Variants in ERICH1 observed in about 807,000 individuals in gnomAD.
The protein encoded by ERICH1 is glutamate-rich protein 1.
A neutral mutation model predicts 39.6 loss-of-function variants in ERICH1; 56 were observed. The observed-to-expected ratio is 1.41, with a 90% CI of 1.14 to 1.77. The LOEUF is 1.77. Among genes scored for constraint, ERICH1 ranks in the 40% most tolerant of loss-of-function variants. ERICH1 has a pLI of 0.00. For missense variants in ERICH1, 826 were observed against 575.4 expected (o/e 1.44, Z -4.45); for synonymous variants, 313 against 223.6 (o/e 1.40, Z -3.57).
intron 1 of ERICH1, among the ~76,000 whole-genome samples, chr8:727,120 A>G (rs1818950278): frequency 6.6e-6 from 1 of 152,148 alleles, no homozygotes; most frequent in African/African-American, 2.4e-5. Flanking sequence ...ATGCACAGAT[A>G]CACACCACAC....
intron 3 of ERICH1, among the ~76,000 whole-genome samples, chr8:657,798 G>A (rs1275281668): frequency 1.3e-5 from 2 of 152,106 alleles, no homozygotes; most frequent in Non-Finnish European, 2.9e-5. Context: ...GCGATAATGA[G>A]AGGGATTTTC....
chr8:688,003 C>G (rs1381100760), intron 3 of ERICH1, among the ~76,000 whole-genome samples: 1 of 152,146 alleles, frequency 6.6e-6, no homozygotes. Flanking sequence ...GAGCCCCGAC[C>G]GCAGCCCCAG....
intron 2 of ERICH1, among the ~76,000 whole-genome samples, chr8:706,111 C>G (rs572474559): frequency 6.6e-6 from 1 of 152,364 alleles, no homozygotes; most frequent in Admixed American, 6.5e-5. Context: ...CTGTGCCACA[C>G]AGCCCAGGCC....
At chr8:643,354 C>G (rs919697777) in intron 3 of ERICH1, among the ~76,000 whole-genome samples, 5 of 152,210 alleles carry the variant, frequency 3.3e-5, no homozygotes, top group African/African-American at 1.2e-4. Context: ...GGGGACCAAC[C>G]AGAGGGAAAG....
intron 3 of ERICH1, chr8:616,529 G>T (rs963827720): frequency 1.3e-5 from 6 of 455,924 alleles, no homozygotes; most frequent in Non-Finnish European, 2.6e-5. Context: ...GATACCTGGG[G>T]ACCACAACAC....
intron 1 of ERICH1, among the ~76,000 whole-genome samples, chr8:728,473 C>A (rs1585763157): frequency 6.6e-6 from 1 of 152,310 alleles, no homozygotes; most frequent in South Asian, 2.1e-4. Context: ...AGCACGCAGT[C>A]CCTGGGAGAT....
At chr8:729,499 G>T (rs1275093069) in intron 1 of ERICH1, among the ~76,000 whole-genome samples, 1 of 152,232 alleles carries the variant, frequency 6.6e-6, no homozygotes, top group Non-Finnish European at 1.5e-5. Context: ...CACAAATGCT[G>T]GGAAGTTTTA....
rs1400296519 is a variant in ERICH1, at chr8:664,315, T to G, written c.*288A>C. ...TGAGCTTCAAACTATACATTTAACT[T>G]AACAGAATGTCCATTTTCAATTTTT... On this transcript the variant is annotated 3_prime_UTR_variant, in exon 6 of 6. Coordinates refer to ENST00000262109, the MANE Select transcript of ERICH1 (RefSeq NM_207332.3). 9.3e-7 allele frequency: 1 copy of G among 1,073,076 alleles called. No individual in the cohort carries two copies. The highest frequency in any genetic ancestry group is 1.1e-6 in the Non-Finnish European group (1 of 886,870). 66.5% of individuals were successfully genotyped at this position (1,073,076 alleles called of 1,614,324 possible). A position where few individuals can be genotyped will look rare whatever the true frequency, so the allele number is the denominator to read the frequency against.
At chr8:683,123 C>T (rs336444) in intron 3 of ERICH1, among the ~76,000 whole-genome samples, 3 of 152,128 alleles carry the variant, frequency 2.0e-5, no homozygotes, top group Non-Finnish European at 4.4e-5. Context: ...GCGGACACTC[C>T]GGCCTGCTGA....
At chr8:723,950 T>C (rs890703538) in intron 1 of ERICH1, among the ~76,000 whole-genome samples, 3 of 152,344 alleles carry the variant, frequency 2.0e-5, no homozygotes, top group Non-Finnish European at 4.4e-5. Flanking sequence ...GTTAATTCAA[T>C]GAGTAGTAGA....
intron 1 of ERICH1, among the ~76,000 whole-genome samples, chr8:717,412 G>A (rs1191569113): frequency 1.3e-5 from 2 of 152,174 alleles, no homozygotes; most frequent in African/African-American, 4.8e-5. Context: ...TGGCTCTCAG[G>A]GAGCAACAGG....
chr8:620,836 C>A (rs1206996132), intron 3 of ERICH1, among the ~76,000 whole-genome samples: 1 of 152,130 alleles, frequency 6.6e-6, no homozygotes, highest in Admixed American at 6.5e-5. Flanking sequence ...ATGGTTTTTA[C>A]AGACTTCAAT....
At chr8:676,338 C>T (rs867093388) in intron 3 of ERICH1, among the ~76,000 whole-genome samples, 2 of 20,520 alleles carry the variant, frequency 9.7e-5, no homozygotes, top group Admixed American at 5.1e-4. Context: ...GGCCCCTCGG[C>T]GAGGACAGAG....
At chr8:729,553 C>T (rs924971945) in intron 1 of ERICH1, among the ~76,000 whole-genome samples, 1 of 152,250 alleles carries the variant, frequency 6.6e-6, no homozygotes, top group Non-Finnish European at 1.5e-5. Flanking sequence ...AGCCTAAGTG[C>T]CACTCAGCCG....
intron 3 of ERICH1, among the ~76,000 whole-genome samples, chr8:674,248 G>A (rs1804140567): frequency 6.6e-6 from 1 of 150,698 alleles, no homozygotes; most frequent in African/African-American, 2.4e-5. Context: ...ACTCACAGAT[G>A]CGACAATCAT....
intron 5 of ERICH1, chr8:668,129 G>C: frequency 4.5e-6 from 1 of 222,762 alleles, no homozygotes. Context: ...GCATTGGGAA[G>C]ACATGAGCAC....
intron 1 of ERICH1, among the ~76,000 whole-genome samples, chr8:721,717 G>A (rs1001778868): frequency 1.3e-5 from 2 of 152,164 alleles, no homozygotes; most frequent in Non-Finnish European, 2.9e-5. Context: ...CTTCCAACGG[G>A]CCAGCTCTAC....
intron 5 of ERICH1, among the ~76,000 whole-genome samples, chr8:665,176 G>A (rs530479508): frequency 4.0e-5 from 6 of 149,692 alleles, no homozygotes; most frequent in African/African-American, 1.5e-4. Context: ...CACCACAATC[G>A]CGATGCCACA....
chr8:715,241 A>G (rs1459485318), intron 2 of ERICH1, among the ~76,000 whole-genome samples: 2 of 117,882 alleles, frequency 1.7e-5, no homozygotes, highest in South Asian at 5.6e-4. Context: ...TGTGCCGCAG[A>G]CAGGTGGTCT....
Sources: allele counts gnomAD v4.1 joint callset (sites outside exome capture counted in the v4.1 genomes callset), GRCh38; gene constraint gnomAD v4.1.1; transcripts MANE v1.5; gene names NCBI Gene and HGNC (gene_info 2026-07-23, HGNC 2026-07-21).